The following ITCH variants were observed in gnomAD, a reference collection of about 807,000 sequenced individuals.
ITCH encodes itchy E3 ubiquitin protein ligase, also known as E3 ubiquitin-protein ligase Itchy homolog.
ITCH carries 28 observed loss-of-function variants against 126.8 expected under a neutral mutation model. That is an observed-to-expected ratio of 0.22 (90% CI 0.16 to 0.30). The LOEUF (loss-of-function observed/expected upper bound fraction) is 0.30. Among genes scored for constraint, ITCH ranks in the 10% least tolerant of loss-of-function variants. ITCH has a pLI of 1.00. For missense variants in ITCH, 631 were observed against 1,032.4 expected (o/e 0.61, Z 5.33); for synonymous variants, 342 against 340.0 (o/e 1.01, Z -0.06).
intron 22 of ITCH, among the ~76,000 whole-genome samples, chr20:34,490,406 C>G (rs111796872): frequency 4.1e-4 from 62 of 152,146 alleles, no homozygotes; most frequent in African/African-American, 1.4e-3. Flanking sequence ...TGCGGTGGCT[C>G]ACACCTGTAA....
chr20:34,363,619 A>C (rs949338721), intron 1 of ITCH, among the ~76,000 whole-genome samples: 5 of 152,058 alleles, frequency 3.3e-5, no homozygotes, highest in African/African-American at 1.2e-4. Flanking sequence ...CGCGGGCTCC[A>C]AGTTGTGAAA....
chr20:34,373,303 A>T (rs1480165609), intron 2 of ITCH, among the ~76,000 whole-genome samples: 2 of 145,586 alleles, frequency 1.4e-5, no homozygotes, highest in East Asian at 2.0e-4. Flanking sequence ...TTTGAGGCAG[A>T]GTCTTGTTCT....
intron 8 of ITCH, among the ~76,000 whole-genome samples, chr20:34,439,674 A>G (rs1983476794): frequency 6.6e-6 from 1 of 152,218 alleles, no homozygotes; most frequent in African/African-American, 2.4e-5. Context: ...TGTTTTGTCC[A>G]CAAGTATTTC....
chr20:34,463,344 C>T (rs536550466), intron 14 of ITCH, among the ~76,000 whole-genome samples: 63 of 152,344 alleles, frequency 4.1e-4, no homozygotes, highest in African/African-American at 1.4e-3. Context: ...GCCTGGGTGA[C>T]AGAGTGAGAC....
chr20:34,393,970 G>A lies in ITCH; in HGVS notation c.70+89G>A, dbSNP rs1019614663. 2.3e-5 allele frequency: 28 copies of A among 1,239,792 alleles called. No homozygotes were observed. In the African/African-American group the frequency reaches 4.2e-4, roughly 18 times the overall value. The allele number at this position is 1,239,792 out of a possible 1,614,324, so 76.8% of individuals were successfully genotyped here. A position where few individuals can be genotyped will look rare whatever the true frequency, so the allele number is the denominator to read the frequency against. Reference sequence around the variant, plus strand: ...GAGAGGGCCAGGCATGGTGGCCCATGCCTGTAATCCCAGCACTTTGGGAGG... The same window carrying A: ...GAGAGGGCCAGGCATGGTGGCCCATACCTGTAATCCCAGCACTTTGGGAGG... On this transcript the variant is annotated intron_variant, in intron 3 of 24. Coordinates refer to ENST00000374864, the MANE Select transcript of ITCH (RefSeq NM_031483.7).
rs2037821743 is a variant in ITCH, at chr20:34,375,781, G to GTT, written c.-22+6311_-22+6312insTT. 2.2e-5 allele frequency among the ~76,000 whole-genome samples: 3 copies of GTT among 137,544 alleles called. No individual in the cohort carries two copies. In the South Asian group the frequency reaches 6.8e-4, roughly 31 times the overall value. 90.2% of individuals were successfully genotyped at this position (137,544 alleles called of 152,430 possible). A position where few individuals can be genotyped will look rare whatever the true frequency, so the allele number is the denominator to read the frequency against. ...TAATCCCAGCACTTTGGGAGGCCAA[G>GTT]GTGATAGGATTGCTTGAGCCTCGGA... On this transcript the variant is annotated intron_variant, in intron 2 of 24. Transcript: ENST00000374864.
chr20:34,381,322 G>A (rs2038053376), intron 2 of ITCH, among the ~76,000 whole-genome samples: 5 of 150,374 alleles, frequency 3.3e-5, no homozygotes, highest in Admixed American at 3.3e-4. Flanking sequence ...TTGTTCTGTT[G>A]CCCAGGCTGG....
chr20:34,477,683 C>T (rs1447076382), intron 16 of ITCH, 89 bp from the exon 17 acceptor site: 3 of 1,170,624 alleles, frequency 2.6e-6, no homozygotes, highest in Admixed American at 1.8e-5. Flanking sequence ...ATTTCAGTTA[C>T]CTATAACGAA....
At chr20:34,365,429 G>T (rs554450349) in intron 1 of ITCH, among the ~76,000 whole-genome samples, 1 of 152,150 alleles carries the variant, frequency 6.6e-6, no homozygotes, top group Admixed American at 6.5e-5. Flanking sequence ...TTTTTCGTTT[G>T]TTTGAGACGG....
chr20:34,386,565 C>T (rs1007109465), intron 2 of ITCH, among the ~76,000 whole-genome samples: 1 of 152,190 alleles, frequency 6.6e-6, no homozygotes, highest in African/African-American at 2.4e-5. Context: ...CTTTCTGTCA[C>T]AAGCAGTTTT....
chr20:34,438,770 T>A (rs768806077), intron 8 of ITCH, 139 bp downstream of exon 8: 14 of 1,171,410 alleles, frequency 1.2e-5, no homozygotes, highest in Non-Finnish European at 1.8e-5. Flanking sequence ...GAATGATCTT[T>A]CTGTAGGTAA....
chr20:34,477,221 A>G (rs1019218295), intron 16 of ITCH, among the ~76,000 whole-genome samples: 3 of 152,218 alleles, frequency 2.0e-5, no homozygotes, highest in Non-Finnish European at 2.9e-5. Context: ...TTATAAGTCA[A>G]TAGTAGCATC....
intron 23 of ITCH, 131 bp from the exon 24 acceptor site, chr20:34,504,200 A>G: frequency 4.1e-6 from 3 of 733,252 alleles, no homozygotes; most frequent in Non-Finnish European, 7.4e-6. Context: ...TGAATTAGTA[A>G]GATGATGTGT....
chr20:34,507,549 G>T, intron 24 of ITCH, 146 bp from the exon 25 acceptor site: 2 of 638,476 alleles, frequency 3.1e-6, no homozygotes, highest in Admixed American at 5.1e-5. Context: ...TCCCATTTTT[G>T]GGTTATTTCA....
chr20:34,422,591 A>G (rs1980924110), intron 6 of ITCH, among the ~76,000 whole-genome samples: 1 of 152,028 alleles, frequency 6.6e-6, no homozygotes, highest in Non-Finnish European at 1.5e-5. Context: ...TACCACATTA[A>G]CATCTTTATT....
rs773997755 is a variant in ITCH at position 34,440,169 on chromosome 20, T to G, written c.694T>G (p.Ser232Ala). The G allele has an allele frequency of 1.9e-6, 3 of 1,612,466 alleles. No individual in the cohort carries two copies. The Admixed American group carries it at 5.0e-5, about 27-fold the overall frequency. ...ATCTTTTATAGCATCTGTCAATGGT[T>G]CACCATCTGCCACTTCTGAAAGTGA... The part of the protein sequence containing the change: ...TPRRPASVNG[S>A]PSATSESDGS... Residue 232 changes from serine (S) to alanine (A), a missense_variant, in exon 9 of 25, where the codon TCA becomes GCA. Physicochemically the swap from Ser to Ala is moderately conservative, Grantham distance 99. Around this residue, in one of 4 missense-constraint regions of ITCH, gnomAD observed 220 missense variants for 265.7 expected, o/e 0.83. Transcript: ENST00000374864.
At chr20:34,498,268 T>C (rs1314464558) in intron 23 of ITCH, among the ~76,000 whole-genome samples, 2 of 152,224 alleles carry the variant, frequency 1.3e-5, no homozygotes, top group Admixed American at 1.3e-4. Flanking sequence ...TATAAGGTCA[T>C]GTTGTCTGCG....
intron 2 of ITCH, among the ~76,000 whole-genome samples, chr20:34,381,149 C>T (rs2038045771): frequency 6.6e-6 from 1 of 152,014 alleles, no homozygotes; most frequent in Non-Finnish European, 1.5e-5. Flanking sequence ...GCCTGTAATC[C>T]CAGCAGTTTG....
intron 12 of ITCH, among the ~76,000 whole-genome samples, chr20:34,452,097 C>G (rs982157446): frequency 6.7e-6 from 1 of 148,192 alleles, no homozygotes; most frequent in Non-Finnish European, 1.5e-5. Flanking sequence ...AAAAAAGTTG[C>G]AGAAAAACTA....
Sources: gnomAD v4.1 joint callset for allele counts (sites outside exome capture counted in the v4.1 genomes callset) on GRCh38, gnomAD v4.1.1 for gene constraint, gnomAD v4.1.1 regional missense constraint, MANE v1.5 for transcripts, NCBI Gene and HGNC (gene_info 2026-07-23, HGNC 2026-07-21) for gene names.